TGFBR1: variants seen among roughly 807,000 people sequenced by gnomAD.
TGFBR1 encodes the protein transforming growth factor beta receptor 1, also known as TGF-beta receptor type-1.
Under a neutral mutation model 55.1 loss-of-function variants are expected in TGFBR1, and 20 were observed. The observed-to-expected ratio is 0.36, with a 90% CI of 0.26 to 0.53. The LOEUF is 0.53. TGFBR1 is among the 20% of genes least tolerant of loss of function. The pLI, the probability that TGFBR1 is intolerant of heterozygous loss-of-function variation, is 0.91. For missense variants in TGFBR1, 385 were observed against 617.6 expected (o/e 0.62, Z 3.99); for synonymous variants, 220 against 214.8 (o/e 1.02, Z -0.21).
chr9:99,106,778 G>T (rs138912358), intron 1 of TGFBR1, among the ~76,000 whole-genome samples: 2,082 of 152,234 alleles, frequency 0.014, 22 homozygotes, highest in South Asian at 0.021. Flanking sequence ...ATGAGCAATT[G>T]GTCTTTATTA....
intron 2 of TGFBR1, among the ~76,000 whole-genome samples, 190 bp from the exon 3 acceptor site, chr9:99,132,319 G>A (rs370488712): frequency 2.4e-4 from 36 of 152,258 alleles, no homozygotes; most frequent in African/African-American, 8.2e-4. Flanking sequence ...TGCATAAAAG[G>A]AGGCCTAGTG....
chr9:99,144,868 C>T lies in TGFBR1; in HGVS notation c.1110C>T (p.Asn370=), dbSNP rs368402450. The change falls in exon 6 of 9, where the codon AAC becomes AAT. Residue 370 remains asparagine, a synonymous_variant. Transcript: ENST00000374994. The part of the protein sequence containing the change: ...SATDTIDIAP[N]HRVGTKRYMA... ...CAGATACCATTGATATTGCTCCAAA[C>T]CACAGAGTGGGAACAAAAAGGTATA... is the stretch of plus-strand genomic sequence containing the variant. The T allele has an allele frequency of 6.2e-7, 1 of 1,613,836 alleles. No homozygotes were observed. Among genetic ancestry groups the T allele is most frequent in the African/African-American group, 1.3e-5 (1 of 74,920 alleles).
intron 1 of TGFBR1, among the ~76,000 whole-genome samples, chr9:99,109,742 T>C (rs911989336): frequency 6.6e-6 from 1 of 152,220 alleles, no homozygotes; most frequent in African/African-American, 2.4e-5. Context: ...AGATGGACTG[T>C]GGTTTGATAT....
chr9:99,105,215 G>A lies in TGFBR1; in HGVS notation c.10G>A (p.Ala4Thr). 1.9e-5 allele frequency: 21 copies of A among 1,082,296 alleles called. No homozygotes were observed. Among genetic ancestry groups the A allele is most frequent in the Non-Finnish European group, 2.3e-5 (21 of 895,168 alleles). The allele number at this position is 1,082,296 out of a possible 1,614,324, so 67.0% of individuals were successfully genotyped here. A position where few individuals can be genotyped will look rare whatever the true frequency, so the allele number is the denominator to read the frequency against. The change falls in exon 1 of 9, where the codon GCG (alanine) becomes ACG (threonine). Residue 4 changes from alanine (A) to threonine (T), a missense_variant. Ala to Thr is a moderately conservative substitution (Grantham distance 58). Around this residue, in one of 5 missense-constraint regions of TGFBR1, gnomAD observed 37 missense variants for 40.2 expected, o/e 0.92. Coordinates refer to ENST00000374994, the MANE Select transcript of TGFBR1 (RefSeq NM_004612.4). Reference sequence around the variant, plus strand: ...CGGTGGCGGCGGGACCATGGAGGCGGCGGTCGCTGCTCCGCGTCCCCGGCT... The same window carrying A: ...CGGTGGCGGCGGGACCATGGAGGCGACGGTCGCTGCTCCGCGTCCCCGGCT... Reference protein sequence around the residue: MEAAVAAPRPRLLL... With the variant: MEATVAAPRPRLLL...
intron 5 of TGFBR1, among the ~76,000 whole-genome samples, chr9:99,143,539 C>T (rs1827693335): frequency 6.6e-6 from 1 of 152,174 alleles, no homozygotes; most frequent in South Asian, 2.1e-4. Flanking sequence ...AGCAGTTGTC[C>T]ACTTGCAACC....
At chr9:99,110,356 T>G (rs1826530707) in intron 1 of TGFBR1, among the ~76,000 whole-genome samples, 2 of 152,244 alleles carry the variant, frequency 1.3e-5, no homozygotes, top group Non-Finnish European at 2.9e-5. Context: ...TTCTCTCTTT[T>G]TTTTTCTTTG....
At chr9:99,134,552 T>C (rs1827360528) in intron 3 of TGFBR1, among the ~76,000 whole-genome samples, 1 of 151,970 alleles carries the variant, frequency 6.6e-6, no homozygotes, top group Non-Finnish European at 1.5e-5. Flanking sequence ...ACTGTGATAA[T>C]CAAGGACCAG....
At chr9:99,132,877 ATCTT>A in intron 3 of TGFBR1, 138 bp downstream of exon 3, 3 of 1,227,150 alleles carry the variant, frequency 2.4e-6, no homozygotes, top group Non-Finnish European at 3.4e-6. Flanking sequence ...CCTAATAAAA[ATCTT>A]TAAGCTTGAT....
At position 99,151,228 on chromosome 9, in the gene TGFBR1, G is replaced by A; in HGVS notation, c.*1923G>A. 1 of 231,564 alleles carries A rather than the reference G, an allele frequency of 4.3e-6. No individual in the cohort carries two copies. Among genetic ancestry groups the A allele is most frequent in the East Asian group, 6.1e-5 (1 of 16,312 alleles). 14.3% of individuals were successfully genotyped at this position (231,564 alleles called of 1,614,324 possible). On this transcript the variant is annotated 3_prime_UTR_variant, in exon 9 of 9. Transcript: ENST00000374994. ...AAACATCATGGGAAAAATGCTTAGA[G>A]GTTACTATTTTGACTACAAAGTTGA...
chr9:99,118,544 C>A (rs1412529123), intron 1 of TGFBR1, among the ~76,000 whole-genome samples: 1 of 151,596 alleles, frequency 6.6e-6, no homozygotes, highest in East Asian at 1.9e-4. Context: ...TATCAGTTTA[C>A]TAAGATTTTT....
At chr9:99,139,669 T>C (rs868174287) in intron 4 of TGFBR1, among the ~76,000 whole-genome samples, 2 of 152,330 alleles carry the variant, frequency 1.3e-5, no homozygotes, top group Middle Eastern at 6.8e-3. Context: ...CACACTACCA[T>C]TGTCAGTTTT....
chr9:99,142,853 G>A (rs1827664096), intron 5 of TGFBR1, 150 bp downstream of exon 5: 1 of 826,774 alleles, frequency 1.2e-6, no homozygotes, highest in Admixed American at 2.2e-5. Context: ...GATCTCAGGA[G>A]TTCATGGCCA....
intron 2 of TGFBR1, among the ~76,000 whole-genome samples, chr9:99,131,184 C>T (rs2118605321): frequency 6.6e-6 from 1 of 151,660 alleles, no homozygotes; most frequent in African/African-American, 2.4e-5. Flanking sequence ...ATTTAACACA[C>T]ATAAACATTG....
In TGFBR1 at chr9:99,151,386, G is replaced by T. The variant is rs200898127; in HGVS notation, c.*2081G>T. 822 of 194,048 alleles carry T rather than the reference G, an allele frequency of 4.2e-3. 4 individuals carry two copies. The highest frequency in any genetic ancestry group is 0.016 in the South Asian group (70 of 4,504). The allele number at this position is 194,048 out of a possible 1,614,324, so 12.0% of individuals were successfully genotyped here. On this transcript the variant is annotated 3_prime_UTR_variant, in exon 9 of 9. Coordinates refer to ENST00000374994, the MANE Select transcript of TGFBR1 (RefSeq NM_004612.4). ...GTGATCAGGTACTTTTTTTGTGGGG[G>T]TTTTTTTTTTGTTTTTTTTTTTTTG...
chr9:99,153,125 G>T lies in TGFBR1; in HGVS notation c.*3820G>T, dbSNP rs1166355543. The stretch of plus-strand genomic sequence containing the variant: ...TAGGGTGTTTGATATTTCTTCATAT[G>T]TTAAGGAGATGCTTCAAAATGTCAA... On this transcript the variant is annotated 3_prime_UTR_variant, in exon 9 of 9. Transcript: ENST00000374994. 4.4e-6 allele frequency: 1 copy of T among 226,750 alleles called. No homozygotes were observed. The highest frequency in any genetic ancestry group is 1.8e-4 in the South Asian group (1 of 5,462). 14.0% of individuals were successfully genotyped at this position (226,750 alleles called of 1,614,324 possible).
At chr9:99,105,084 G>C, upstream of TGFBR1, 1 of 794,894 alleles carries the variant, frequency 1.3e-6, no homozygotes, top group Non-Finnish European at 1.6e-6. Flanking sequence ...CCTCCGAGCA[G>C]TTACAAAGGG....
intron 1 of TGFBR1, among the ~76,000 whole-genome samples, chr9:99,122,448 G>A (rs754062247): frequency 2.6e-5 from 4 of 151,940 alleles, no homozygotes; most frequent in African/African-American, 7.3e-5. Flanking sequence ...ATGTGACCTC[G>A]AGACGTACTG....
rs550395617 is a variant in TGFBR1 at position 99,129,054 on chromosome 9, T to C, written c.297T>C (p.Tyr99=). ...SSKTGSVTTT[Y]CCNQDHCNKI... is the part of the protein sequence containing the mutation. ...AAACTGGGTCTGTGACTACAACATATTGCTGCAATCAGGACCATTGCAATA... is the reference window on the plus strand; with the variant it reads ...AAACTGGGTCTGTGACTACAACATACTGCTGCAATCAGGACCATTGCAATA... The change falls in exon 2 of 9, where the codon TAT becomes TAC. Residue 99 remains tyrosine (Y), a synonymous_variant. Transcript: ENST00000374994. 1.9e-6 allele frequency: 3 copies of C among 1,613,976 alleles called. No homozygotes were observed. In the South Asian group the frequency reaches 3.3e-5, roughly 18 times the overall value.
Position 99,151,539 on chromosome 9 carries a change from G to A in TGFBR1, c.*2234G>A, listed in dbSNP as rs754588954. On this transcript the variant is annotated 3_prime_UTR_variant, in exon 9 of 9. Coordinates refer to ENST00000374994, the MANE Select transcript of TGFBR1 (RefSeq NM_004612.4). Reference sequence around the variant, plus strand: ...TATACCAAAAGTTGTCTGATTTAAAGTTGTAATACATGATTTCTCACTTTC... The same window carrying A: ...TATACCAAAAGTTGTCTGATTTAAAATTGTAATACATGATTTCTCACTTTC... The A allele has an allele frequency of 4.4e-6, 1 of 229,178 alleles. No individual in the cohort carries two copies. Among genetic ancestry groups the A allele is most frequent in the Non-Finnish European group, 8.7e-6 (1 of 115,538 alleles). 14.2% of individuals were successfully genotyped at this position (229,178 alleles called of 1,614,324 possible). A position where few individuals can be genotyped will look rare whatever the true frequency, so the allele number is the denominator to read the frequency against.
Sources: gnomAD v4.1 joint callset for allele counts (sites outside exome capture counted in the v4.1 genomes callset) on GRCh38, gnomAD v4.1.1 for gene constraint, gnomAD v4.1.1 regional missense constraint, MANE v1.5 for transcripts, NCBI Gene and HGNC (gene_info 2026-07-23, HGNC 2026-07-21) for gene names.